Variants in STPG1 observed in about 807,000 individuals in gnomAD.
STPG1 encodes sperm tail PG-rich repeat containing 1.
STPG1 carries 33 observed loss-of-function variants against 40.1 expected under a neutral mutation model. That is an observed-to-expected ratio of 0.82 (90% CI 0.62 to 1.10). The LOEUF (loss-of-function observed/expected upper bound fraction) is 1.10. Ranked by LOEUF, STPG1 falls within the 50% of genes least tolerant of loss-of-function variation. STPG1 has a pLI of 0.00. For missense variants in STPG1, 396 were observed against 415.1 expected, an observed-to-expected ratio of 0.95 and a Z score of 0.40; for synonymous variants, 150 against 155.0, an observed-to-expected ratio of 0.97 and a Z score of 0.24.
Position 24,379,737 on chromosome 1 carries a change from A to C in STPG1, c.378T>G (p.Phe126Leu). 1 of 1,614,200 alleles carries C rather than the reference A, an allele frequency of 6.2e-7. No individual in the cohort carries two copies. Among genetic ancestry groups the C allele is most frequent in the Non-Finnish European group, 8.5e-7 (1 of 1,180,008 alleles). The change falls in exon 5 of 9, where the codon TTT becomes TTG. Residue 126 changes from phenylalanine (F) to leucine (L), a missense_variant. Phe to Leu is a conservative substitution (Grantham distance 22). Coordinates refer to ENST00000337248, the MANE Select transcript of STPG1 (RefSeq NM_001199013.2). ...GGAACATGCTGGAACACGAATTACT[A>C]AAGTCTCTCTTGGAAATAAAATCCG... ...IPSDFISKRD[F>L]SNSCSSMFQL...
At chr1:24,385,703 A>G (rs2148700525) in intron 3 of STPG1, among the ~76,000 whole-genome samples, 1 of 152,314 alleles carries the variant, frequency 6.6e-6, no homozygotes, top group East Asian at 1.9e-4. Context: ...TCTGCTCTTA[A>G]CCACGAAACC....
chr1:24,393,958 A>C (rs1642888459), intron 2 of STPG1, among the ~76,000 whole-genome samples: 2 of 152,200 alleles, frequency 1.3e-5, no homozygotes, highest in African/African-American at 4.8e-5. Context: ...TAGATCTGGG[A>C]GTCCAGAAAG....
intron 1 of STPG1, among the ~76,000 whole-genome samples, chr1:24,404,281 C>A (rs1378927834): frequency 1.3e-5 from 2 of 152,106 alleles, no homozygotes. Context: ...ATAAATGCTA[C>A]CTGGTCATAA....
At chr1:24,395,653 C>T (rs1045216037) in intron 2 of STPG1, among the ~76,000 whole-genome samples, 6 of 152,012 alleles carry the variant, frequency 3.9e-5, no homozygotes, top group Non-Finnish European at 8.8e-5. Flanking sequence ...AGGATGGTCT[C>T]GATCTCCTGA....
At chr1:24,376,785 G>A (rs1429068520) in intron 5 of STPG1, among the ~76,000 whole-genome samples, 1 of 152,146 alleles carries the variant, frequency 6.6e-6, no homozygotes, top group African/African-American at 2.4e-5. Flanking sequence ...CAAGTAGCCT[G>A]GTTCCCACTT....
rs754179559 is a variant in STPG1 at position 24,379,770 on chromosome 1, A to T, written c.345T>A (p.Thr115=). 1 of 1,614,160 alleles carries T rather than the reference A, an allele frequency of 6.2e-7. No homozygotes were observed. Among genetic ancestry groups the T allele is most frequent in the Non-Finnish European group, 8.5e-7 (1 of 1,179,994 alleles). ...TCTTGGAAATAAAATCCGATGGGATAGTGTATGCATTCGCTGCAGGGTATT... is the reference window on the plus strand; with the variant it reads ...TCTTGGAAATAAAATCCGATGGGATTGTGTATGCATTCGCTGCAGGGTATT... ...ISKYPAANAY[T]IPSDFISKRD... Residue 115 remains threonine (T), a synonymous_variant, in exon 5 of 9, where the codon ACT becomes ACA. Coordinates refer to ENST00000337248, the MANE Select transcript of STPG1 (RefSeq NM_001199013.2).
chr1:24,387,744 C>A (rs181124511), intron 3 of STPG1, among the ~76,000 whole-genome samples: 1 of 152,056 alleles, frequency 6.6e-6, no homozygotes, highest in African/African-American at 2.4e-5. Context: ...GTTTGCAGAC[C>A]CCTTAGGAAG....
intron 2 of STPG1, among the ~76,000 whole-genome samples, chr1:24,396,472 G>A (rs1185257200): frequency 6.6e-6 from 1 of 152,102 alleles, no homozygotes; most frequent in African/African-American, 2.4e-5. Flanking sequence ...ACCATGCCTG[G>A]CTAGATAGTA....
chr1:24,388,911 C>T (rs1642629972), intron 3 of STPG1, among the ~76,000 whole-genome samples: 1 of 152,104 alleles, frequency 6.6e-6, no homozygotes, highest in Admixed American at 6.5e-5. Flanking sequence ...GAAACTGAAG[C>T]CCAGAAAAGT....
chr1:24,369,600 C>T lies in STPG1; in HGVS notation c.737+74G>A, dbSNP rs1641635359. 9 of 1,489,374 alleles carry T rather than the reference C, an allele frequency of 6.0e-6. No individual in the cohort carries two copies. The South Asian group carries it at 9.2e-5, about 15-fold the overall frequency. The allele number at this position is 1,489,374 out of a possible 1,614,324, so 92.3% of individuals were successfully genotyped here. A position where few individuals can be genotyped will look rare whatever the true frequency, so the allele number is the denominator to read the frequency against. On this transcript the variant is annotated intron_variant, in intron 7 of 8. Coordinates refer to ENST00000337248, the MANE Select transcript of STPG1 (RefSeq NM_001199013.2). ...TGTGCTCTGCCAAGCAGTGACACCC[C>T]ATCCTTTTCTCTATGTTGGGCTTCT...
chr1:24,374,496 T>C (rs902761187), intron 5 of STPG1, among the ~76,000 whole-genome samples: 1 of 152,096 alleles, frequency 6.6e-6, no homozygotes, highest in African/African-American at 2.4e-5. Context: ...CCTGACCTCG[T>C]GATCCGCCCG....
At chr1:24,401,573 C>G in intron 1 of STPG1, 117 bp from the exon 2 acceptor site, 1 of 611,390 alleles carries the variant, frequency 1.6e-6, no homozygotes, top group East Asian at 2.8e-5. Flanking sequence ...CGGCTGAGAT[C>G]TACCAAGTGC....
intron 6 of STPG1, among the ~76,000 whole-genome samples, chr1:24,372,182 AAAAC>A (rs1641783455): frequency 6.6e-6 from 1 of 152,092 alleles, no homozygotes; most frequent in African/African-American, 2.4e-5. Context: ...CATCTCCAAA[AAAAC>A]AAAACAAAAC....
At chr1:24,388,056 C>T (rs979116960) in intron 3 of STPG1, among the ~76,000 whole-genome samples, 3 of 152,144 alleles carry the variant, frequency 2.0e-5, no homozygotes, top group Non-Finnish European at 4.4e-5. Context: ...AAATTGTGCC[C>T]ATCTAGAGCA....
At chr1:24,396,273 A>ATCTG (rs940333979) in intron 2 of STPG1, among the ~76,000 whole-genome samples, 2 of 92,212 alleles carry the variant, frequency 2.2e-5, no homozygotes, top group African/African-American at 8.0e-5. Context: ...ATCTATAGCT[A>ATCTG]TCTATCTATC....
chr1:24,401,056 T>C, intron 2 of STPG1: 1 of 385,060 alleles, frequency 2.6e-6, no homozygotes, highest in African/African-American at 2.0e-5. Flanking sequence ...TCTTACCAGA[T>C]ACATGGAACT....
rs183353247 is a variant in STPG1 at position 24,360,886 on chromosome 1, G to C, written c.893C>G (p.Thr298Arg). 1 of 1,613,558 alleles carries C rather than the reference G, an allele frequency of 6.2e-7. No individual in the cohort carries two copies. Among genetic ancestry groups the C allele is most frequent in the Non-Finnish European group, 8.5e-7 (1 of 1,179,802 alleles). ...CAGGCCTGGCTGAGGCGGCGCCGCTGTCCACCGGCTGGTATTGGACACGAA... is the reference window on the plus strand; with the variant it reads ...CAGGCCTGGCTGAGGCGGCGCCGCTCTCCACCGGCTGGTATTGGACACGAA... ...ASFVSNTSRW[T>R]AAPPQPGLPG... The change falls in exon 8 of 9, where the codon ACA becomes AGA. Residue 298 changes from threonine (T) to arginine (R), a missense_variant. Transcript: ENST00000337248.
At chr1:24,393,818 T>C (rs1040305227) in intron 2 of STPG1, among the ~76,000 whole-genome samples, 1 of 152,136 alleles carries the variant, frequency 6.6e-6, no homozygotes, top group Non-Finnish European at 1.5e-5. Context: ...CAGGGATCCC[T>C]GAGAGAAGCA....
chr1:24,405,726 T>C (rs1440978267), intron 1 of STPG1, among the ~76,000 whole-genome samples: 1 of 152,202 alleles, frequency 6.6e-6, no homozygotes, highest in Non-Finnish European at 1.5e-5. Context: ...ACATTTATAA[T>C]TTTTATGTCT....
Sources: gnomAD v4.1 joint callset for allele counts (sites outside exome capture counted in the v4.1 genomes callset) on GRCh38, gnomAD v4.1.1 for gene constraint, MANE v1.5 for transcripts, NCBI Gene and HGNC (gene_info 2026-07-23, HGNC 2026-07-21) for gene names.